The following CNKSR2 variants were observed in gnomAD, a reference collection of about 807,000 sequenced individuals.
The protein encoded by CNKSR2 is CNK homolog protein 2.
A neutral mutation model predicts 84.4 loss-of-function variants in CNKSR2; 14 were observed. That is an observed-to-expected ratio of 0.17 (90% CI 0.11 to 0.26). The LOEUF is 0.26. Ranked by LOEUF, CNKSR2 falls within the 10% of genes least tolerant of loss-of-function variation. The pLI, the probability that CNKSR2 is intolerant of heterozygous loss-of-function variation, is 1.00. For missense variants in CNKSR2, 485 were observed against 771.2 expected, an observed-to-expected ratio of 0.63 and a Z score of 4.40; for synonymous variants, 275 against 277.9, an observed-to-expected ratio of 0.99 and a Z score of 0.10.
intron 4 of CNKSR2, among the ~76,000 whole-genome samples, chrX:21,449,878 A>G (rs187921439): frequency 1.5e-4 from 17 of 112,512 alleles, no homozygotes; most frequent in East Asian, 1.1e-3. Flanking sequence ...ACTGACTTCA[A>G]TGGCTCAAGG....
chrX:21,609,507 C>T lies in CNKSR2; in HGVS notation c.2582C>T (p.Pro861Leu). ...TTCAACCATTGCTGTCTGAATGCTC[C>T]AGTTAGTGCCTGTGACCCACAGGAT... ...SGFNHCCLNAPVSACDPQDDV... is the reference protein window; with the variant it reads ...SGFNHCCLNALVSACDPQDDV... The change falls in exon 20 of 22, where the codon CCA becomes CTA. Residue 861 changes from proline to leucine, a missense_variant. By Grantham distance (98) the Pro-to-Leu change is moderately conservative. Transcript: ENST00000379510. The T allele has an allele frequency of 4.1e-6, 5 of 1,208,645 alleles. No homozygotes were observed. Among genetic ancestry groups the T allele is most frequent in the Non-Finnish European group, 5.6e-6 (5 of 894,991 alleles).
intron 11 of CNKSR2, among the ~76,000 whole-genome samples, chrX:21,554,887 T>C (rs2092124970): frequency 9.0e-6 from 1 of 111,522 alleles, no homozygotes; most frequent in Non-Finnish European, 1.9e-5. Flanking sequence ...TTTCTGTCTT[T>C]AGGTCTTTGA....
At chrX:21,484,328 A>G (rs781493683) in intron 5 of CNKSR2, among the ~76,000 whole-genome samples, 5 of 111,367 alleles carry the variant, frequency 4.5e-5, no homozygotes, top group African/African-American at 6.5e-5. Context: ...AACAAAACAA[A>G]AACCCATACT....
intron 11 of CNKSR2, among the ~76,000 whole-genome samples, chrX:21,556,703 A>G (rs2092142857): frequency 9.1e-6 from 1 of 110,479 alleles, no homozygotes; most frequent in Non-Finnish European, 1.9e-5. Flanking sequence ...TTGGTGGAAT[A>G]GTGGGGACAA....
chrX:21,532,003 T>C lies in CNKSR2; in HGVS notation c.1239T>C (p.Tyr413=). ...FNIVEEDTVL[Y]CYEYEKGRSS... is the part of the protein sequence containing the mutation. ...TTGTCGAAGAAGATACTGTCTTATA[T>C]TGCTATGAATATGAAAAAGGAAGAT... is the stretch of plus-strand genomic sequence containing the variant. The change falls in exon 11 of 22, where the codon TAT becomes TAC. Residue 413 remains tyrosine, a synonymous_variant. Coordinates refer to ENST00000379510, the MANE Select transcript of CNKSR2 (RefSeq NM_014927.5). 1 of 1,203,678 alleles carries C rather than the reference T, an allele frequency of 8.3e-7. No homozygotes were observed.
chrX:21,528,244 T>C, intron 10 of CNKSR2, among the ~76,000 whole-genome samples: 1 of 111,320 alleles, frequency 9.0e-6, no homozygotes, highest in Non-Finnish European at 1.9e-5. Flanking sequence ...TGTCAGATTT[T>C]CCACATATGC....
At chrX:21,517,318 G>C (rs964676980) in intron 9 of CNKSR2, among the ~76,000 whole-genome samples, 4 of 110,608 alleles carry the variant, frequency 3.6e-5, no homozygotes, top group African/African-American at 1.3e-4. Context: ...CCAGGAGTAT[G>C]AGGCTGTAGT....
intron 13 of CNKSR2, among the ~76,000 whole-genome samples, chrX:21,590,198 C>A (rs755445131): frequency 2.7e-5 from 3 of 111,639 alleles, no homozygotes; most frequent in Non-Finnish European, 5.7e-5. Context: ...AAAGGATAGT[C>A]ATATTTTCCT....
chrX:21,535,017 T>C (rs2091915293), intron 11 of CNKSR2, among the ~76,000 whole-genome samples: 1 of 111,369 alleles, frequency 9.0e-6, no homozygotes. Flanking sequence ...TTTGGGGTCT[T>C]ATATTTAAGC....
chrX:21,522,692 GA>G (rs1452922507), intron 9 of CNKSR2, among the ~76,000 whole-genome samples: 1 of 110,431 alleles, frequency 9.1e-6, no homozygotes, highest in Admixed American at 9.7e-5. Context: ...ACAAAGAAAA[GA>G]CCTCAGCAAT....
At chrX:21,432,564 T>G in intron 2 of CNKSR2, 48 bp from the exon 3 acceptor site, 1 of 881,558 alleles carries the variant, frequency 1.1e-6, no homozygotes, top group African/African-American at 2.0e-5. Context: ...TTTTCATGAA[T>G]GAATAAAACT....
chrX:21,396,391 G>C (rs1282836866), intron 1 of CNKSR2, among the ~76,000 whole-genome samples: 1 of 110,972 alleles, frequency 9.0e-6, no homozygotes, highest in Non-Finnish European at 1.9e-5. Context: ...TAATATGATA[G>C]TTCTGTAAGT....
intron 9 of CNKSR2, among the ~76,000 whole-genome samples, chrX:21,525,797 AAG>A (rs1158661972): frequency 2.7e-5 from 3 of 111,519 alleles, no homozygotes; most frequent in Non-Finnish European, 5.7e-5. Context: ...TAAATATGCT[AAG>A]AGAGTTTTCA....
chrX:21,473,053 A>C (rs2147148033), intron 5 of CNKSR2, among the ~76,000 whole-genome samples: 1 of 111,863 alleles, frequency 8.9e-6, no homozygotes, highest in Non-Finnish European at 1.9e-5. Context: ...TATTGACTTT[A>C]TCTTTCTCAA....
At chrX:21,590,188 A>C (rs2092412013) in intron 13 of CNKSR2, among the ~76,000 whole-genome samples, 1 of 111,860 alleles carries the variant, frequency 8.9e-6, no homozygotes, top group Admixed American at 9.5e-5. Context: ...TCATGTGAAC[A>C]AAGGATAGTC....
At chrX:21,417,235 CT>C in intron 1 of CNKSR2, among the ~76,000 whole-genome samples, 1 of 111,870 alleles carries the variant, frequency 8.9e-6, no homozygotes, top group East Asian at 2.8e-4. Flanking sequence ...CAAAATTCCT[CT>C]TGTCATCAAT....
At chrX:21,452,808 T>G (rs1047375112) in intron 4 of CNKSR2, among the ~76,000 whole-genome samples, 22 of 106,088 alleles carry the variant, frequency 2.1e-4, no homozygotes, top group African/African-American at 7.0e-4. Flanking sequence ...TTTATTTTAT[T>G]TTATTTTATT....
At chrX:21,539,887 G>C (rs2091962122) in intron 11 of CNKSR2, among the ~76,000 whole-genome samples, 1 of 111,743 alleles carries the variant, frequency 8.9e-6, no homozygotes, top group East Asian at 2.8e-4. Context: ...ACTGAAGATT[G>C]TTTCAAGTAA....
chrX:21,497,329 C>T (rs1171409029), intron 6 of CNKSR2, among the ~76,000 whole-genome samples: 2 of 111,664 alleles, frequency 1.8e-5, no homozygotes, highest in Non-Finnish European at 3.8e-5. Flanking sequence ...TATCACTCTT[C>T]TGGTTCCAGT....
Sources: allele counts gnomAD v4.1 joint callset (sites outside exome capture counted in the v4.1 genomes callset), GRCh38; gene constraint gnomAD v4.1.1; transcripts MANE v1.5; gene names NCBI Gene and HGNC (gene_info 2026-07-23, HGNC 2026-07-21).